The following PROSER2 variants were observed in gnomAD, a reference collection of about 807,000 sequenced individuals.
PROSER2 encodes proline and serine-rich protein 2.
Under a neutral mutation model 14.6 loss-of-function variants are expected in PROSER2, and 18 were observed. The ratio of observed to expected loss-of-function variants is 1.23; its 90% CI spans 0.85 to 1.83. The LOEUF is 1.83. Among genes scored for constraint, PROSER2 ranks in the 40% most tolerant of loss-of-function variants. The pLI, the probability that PROSER2 is intolerant of heterozygous loss-of-function variation, is 0.00. For missense variants in PROSER2, 823 were observed against 629.8 expected (o/e 1.31, Z -3.28); for synonymous variants, 367 against 286.4 (o/e 1.28, Z -2.84).
rs1342893472 is a variant in PROSER2 at position 11,869,673 on chromosome 10, C to T, written c.575C>T (p.Pro192Leu). 1.4e-5 allele frequency: 22 copies of T among 1,599,258 alleles called. No individual in the cohort carries two copies. Among genetic ancestry groups the T allele is most frequent in the Non-Finnish European group, 1.7e-5 (20 of 1,173,496 alleles). Reference protein sequence around the residue: ...VEHPRLLRSVPTPLVMAQKIS... With the variant: ...VEHPRLLRSVLTPLVMAQKIS... Reference sequence around the variant, plus strand: ...CACCCCAGACTCCTGCGCTCTGTTCCCACGCCCCTCGTTATGGCGCAGAAG... The same window carrying T: ...CACCCCAGACTCCTGCGCTCTGTTCTCACGCCCCTCGTTATGGCGCAGAAG... The change falls in exon 4 of 4, where the codon CCC becomes CTC. Residue 192 changes from proline to leucine, a missense_variant. Coordinates refer to ENST00000277570, the MANE Select transcript of PROSER2 (RefSeq NM_153256.4). The surrounding 1 kb of genome is among the most constrained non-coding windows in gnomAD (Gnocchi z 4.4).
At chr10:11,840,961 T>A (rs1225895016) in intron 1 of PROSER2, among the ~76,000 whole-genome samples, 4 of 39,580 alleles carry the variant, frequency 1.0e-4, no homozygotes, top group African/African-American at 1.4e-4. Flanking sequence ...AAAAAATATA[T>A]ATATATATAT....
rs1171201821 is a variant in PROSER2 at position 11,830,963 on chromosome 10, T to C, written c.-82+7493T>C. 6.6e-6 allele frequency among the ~76,000 whole-genome samples: 1 copy of C among 152,188 alleles called. No homozygotes were observed. Among genetic ancestry groups the C allele is most frequent in the African/African-American group, 2.4e-5 (1 of 41,430 alleles). On this transcript the variant is annotated intron_variant, in intron 1 of 3. Coordinates refer to ENST00000277570, the MANE Select transcript of PROSER2 (RefSeq NM_153256.4). This position sits in a 1 kb window ranked among gnomAD's most constrained non-coding sequence, Gnocchi z 4.5. Reference sequence around the variant, plus strand: ...GGCCTCACCTTACTGACATCATCCATCATCTGGCTCGCAAAGGGACTGGTG... The same window carrying C: ...GGCCTCACCTTACTGACATCATCCACCATCTGGCTCGCAAAGGGACTGGTG...
chr10:11,840,184 C>G (rs1404182229), intron 1 of PROSER2, among the ~76,000 whole-genome samples: 2 of 151,584 alleles, frequency 1.3e-5, no homozygotes, highest in Non-Finnish European at 2.9e-5. Flanking sequence ...AAAGCCTGAC[C>G]TCAGGTGATC....
intron 1 of PROSER2, among the ~76,000 whole-genome samples, chr10:11,826,337 G>A (rs918446019): frequency 8.5e-5 from 13 of 152,212 alleles, no homozygotes; most frequent in African/African-American, 3.1e-4. Context: ...GCTATGAACC[G>A]TTGTGTACAA....
chr10:11,834,192 A>G (rs1833726805), intron 1 of PROSER2, among the ~76,000 whole-genome samples: 1 of 150,562 alleles, frequency 6.6e-6, no homozygotes, highest in South Asian at 2.1e-4. Context: ...ACAGGGTTTC[A>G]CCATGTTAGC....
At position 11,870,439 on chromosome 10, in the gene PROSER2, C is replaced by T. The variant is rs1037947381; in HGVS notation, c.*33C>T. ...GCGGGCTCCAGTCCACCCCGTTTCT[C>T]CCCACCCTGAAGAGAGGGTGAAAGA... On this transcript the variant is annotated 3_prime_UTR_variant, in exon 4 of 4. Transcript: ENST00000277570. 5 of 1,422,302 alleles carry T rather than the reference C, an allele frequency of 3.5e-6. No homozygotes were observed. Among genetic ancestry groups the T allele is most frequent in the Non-Finnish European group, 4.6e-6 (5 of 1,086,982 alleles). 88.1% of individuals were successfully genotyped at this position (1,422,302 alleles called of 1,614,324 possible). A position where few individuals can be genotyped will look rare whatever the true frequency, so the allele number is the denominator to read the frequency against.
Position 11,859,953 on chromosome 10 carries a change from G to A in PROSER2, c.139-6578G>A, listed in dbSNP as rs545745000. Reference sequence around the variant, plus strand: ...TTCTTTTGGGCATCTCCCGAGGGAGGGGTAGACAGATTCTCCCTGCCGAGG... The same window carrying A: ...TTCTTTTGGGCATCTCCCGAGGGAGAGGTAGACAGATTCTCCCTGCCGAGG... On this transcript the variant is annotated intron_variant, in intron 2 of 3. Transcript: ENST00000277570. Among the ~76,000 whole-genome samples, 4 of 152,314 alleles carry A rather than the reference G, an allele frequency of 2.6e-5. No individual in the cohort carries two copies. The East Asian group carries it at 7.7e-4, about 29-fold the overall frequency.
Position 11,840,983 on chromosome 10 carries a change from T to TG in PROSER2, c.-81-11014_-81-11013insG, listed in dbSNP as rs1260246019. Among the ~76,000 whole-genome samples the TG allele has an allele frequency of 1.1e-3, 130 of 113,996 alleles. 1 individual carries two copies. The highest frequency in any genetic ancestry group is 4.4e-3 in the African/African-American group (128 of 29,036). 74.8% of individuals were successfully genotyped at this position (113,996 alleles called of 152,430 possible). On this transcript the variant is annotated intron_variant, in intron 1 of 3. Coordinates refer to ENST00000277570, the MANE Select transcript of PROSER2 (RefSeq NM_153256.4). ...ATATATATATATATATATATATATA[T>TG]ATATATATGATGGTGGGGGTTGTTT...
rs754583559 is a variant in PROSER2, at chr10:11,869,482, T to C, written c.392-8T>C. On this transcript the variant is annotated splice_polypyrimidine_tract_variant and splice_region_variant and intron_variant, in intron 3 of 3. Transcript: ENST00000277570. The surrounding 1 kb of genome is among the most constrained non-coding windows in gnomAD (Gnocchi z 4.4). ...CGGTGGCTCACAGGCTCCTCCCTTG[T>C]CTTCCAGGGCCTGCACCTGCTGGGA... 5.7e-5 allele frequency: 92 copies of C among 1,609,710 alleles called. No homozygotes were observed. The highest frequency in any genetic ancestry group is 7.2e-5 in the Non-Finnish European group (85 of 1,176,346).
intron 2 of PROSER2, among the ~76,000 whole-genome samples, chr10:11,863,548 A>C (rs1022203181): frequency 7.2e-5 from 11 of 151,890 alleles, no homozygotes; most frequent in Non-Finnish European, 1.5e-4. Flanking sequence ...CCCCACAAAA[A>C]AAAAAAAAAG....
chr10:11,840,936 AAAAAAAAAAAAAAAAAAAAATATATAT>A (rs1439916821), intron 1 of PROSER2, among the ~76,000 whole-genome samples: 8 of 69,270 alleles, frequency 1.2e-4, no homozygotes, highest in South Asian at 4.4e-4. Context: ...AAAAAAAAAA[AAAAAAAAAAAAAAAAAAAAATATATAT>A]ATATATATAT....
chr10:11,828,972 A>T (rs1261738599), intron 1 of PROSER2, among the ~76,000 whole-genome samples: 1 of 152,092 alleles, frequency 6.6e-6, no homozygotes, highest in East Asian at 1.9e-4. Context: ...CTGGGCCAAC[A>T]AGGGCAGCAT....
At chr10:11,859,508 G>A (rs1044594428) in intron 2 of PROSER2, among the ~76,000 whole-genome samples, 3 of 152,132 alleles carry the variant, frequency 2.0e-5, no homozygotes, top group African/African-American at 7.2e-5. Flanking sequence ...AACTAATAGG[G>A]ACAAACTTAA....
chr10:11,854,676 C>A (rs1301549677), intron 2 of PROSER2, among the ~76,000 whole-genome samples: 1 of 151,872 alleles, frequency 6.6e-6, no homozygotes, highest in Non-Finnish European at 1.5e-5. Flanking sequence ...CCCTGCCTCA[C>A]CCTCCCGAGT....
rs756061984 is a variant in PROSER2 at position 11,871,902 on chromosome 10, T to C, written c.*1496T>C. 1.3e-5 allele frequency: 2 copies of C among 152,254 alleles called. No individual in the cohort carries two copies. Among genetic ancestry groups the C allele is most frequent in the Non-Finnish European group, 2.9e-5 (2 of 68,034 alleles). The allele number at this position is 152,254 out of a possible 1,614,324, so 9.4% of individuals were successfully genotyped here. A position where few individuals can be genotyped will look rare whatever the true frequency, so the allele number is the denominator to read the frequency against. ...AAAGTGCATGATTATAATTTTTTCC[T>C]TAGAAATGCAATATTTAGTTTCATC... On this transcript the variant is annotated 3_prime_UTR_variant, in exon 4 of 4. Coordinates refer to ENST00000277570, the MANE Select transcript of PROSER2 (RefSeq NM_153256.4).
chr10:11,870,410 C>CCG lies in PROSER2; in HGVS notation c.*9_*10dup. ...GCTGCTCAGGGAGAGTTCGTGAGGG[C>CCG]CGCGCGGGCTCCAGTCCACCCCGTT... On this transcript the variant is annotated 3_prime_UTR_variant, in exon 4 of 4. Coordinates refer to ENST00000277570, the MANE Select transcript of PROSER2 (RefSeq NM_153256.4). The CCG allele has an allele frequency of 6.7e-7, 1 of 1,484,220 alleles. No homozygotes were observed. Among genetic ancestry groups the CCG allele is most frequent in the Non-Finnish European group, 8.9e-7 (1 of 1,120,342 alleles). 91.9% of individuals were successfully genotyped at this position (1,484,220 alleles called of 1,614,324 possible). A position where few individuals can be genotyped will look rare whatever the true frequency, so the allele number is the denominator to read the frequency against.
At chr10:11,829,206 G>A (rs1157847090) in intron 1 of PROSER2, among the ~76,000 whole-genome samples, 1 of 151,842 alleles carries the variant, frequency 6.6e-6, no homozygotes, top group Admixed American at 6.6e-5. Flanking sequence ...AGAAAAAGGA[G>A]GATATAAGAT....
chr10:11,865,402 C>T lies in PROSER2; in HGVS notation c.139-1129C>T, dbSNP rs1369611175. Among the ~76,000 whole-genome samples the T allele has an allele frequency of 6.6e-6, 1 of 152,178 alleles. No homozygotes were observed. The highest frequency in any genetic ancestry group is 1.9e-4 in the East Asian group (1 of 5,192). ...AGCCTTTTTGAAGTTTTCCATCACT[C>T]CACATAGTTCATTTCCTGTAAGTTG... On this transcript the variant is annotated intron_variant, in intron 2 of 3. Transcript: ENST00000277570. This position sits in a 1 kb window ranked among gnomAD's most constrained non-coding sequence, Gnocchi z 4.2.
rs1281098919 is a variant in PROSER2, at chr10:11,870,142, G to A, written c.1044G>A (p.Ala348=). ...CGCTGGCCAACGGCTTCCCAAGTGC[G>A]CACGAGGCCCTGAAGAGCGCACCCA... is the stretch of plus-strand genomic sequence containing the variant. The part of the protein sequence containing the change: ...GPALANGFPS[A]HEALKSAPSS... The change falls in exon 4 of 4, where the codon GCG becomes GCA. Residue 348 remains alanine (A), a synonymous_variant. Transcript: ENST00000277570. 2.8e-6 allele frequency: 4 copies of A among 1,416,744 alleles called. No individual in the cohort carries two copies. In the South Asian group the frequency reaches 4.3e-5, roughly 15 times the overall value. 87.8% of individuals were successfully genotyped at this position (1,416,744 alleles called of 1,614,324 possible).
Sources: gnomAD v4.1 joint callset for allele counts (sites outside exome capture counted in the v4.1 genomes callset) on GRCh38, gnomAD v4.1.1 for gene constraint, Gnocchi (gnomAD v3.1) non-coding constraint, MANE v1.5 for transcripts, NCBI Gene and HGNC (gene_info 2026-07-23, HGNC 2026-07-21) for gene names.